GOLGA4: variants seen among roughly 807,000 people sequenced by gnomAD.
GOLGA4 encodes golgin A4, also known as golgin subfamily A member 4.
Under a neutral mutation model 265.9 loss-of-function variants are expected in GOLGA4, and 169 were observed. That is an observed-to-expected ratio of 0.64 (90% confidence interval 0.56 to 0.72). The LOEUF (loss-of-function observed/expected upper bound fraction) is 0.72. Ranked by LOEUF, GOLGA4 falls within the 30% of genes least tolerant of loss-of-function variation. GOLGA4 has a pLI of 0.00. For synonymous variants in GOLGA4, 923 were observed against 855.8 expected, an observed-to-expected ratio of 1.08 and a Z score of -1.37; for missense variants, 2,482 against 2,483.4, an observed-to-expected ratio of 1.00 and a Z score of 0.01.
chr3:37,327,958 A>G lies in GOLGA4; in HGVS notation c.5939+133A>G, dbSNP rs530498450. Reference sequence around the variant, plus strand: ...ACCCAAAATATTAAACATAAATCCAATATGTTAAATATGAGGAGAAATAAA... The same window carrying G: ...ACCCAAAATATTAAACATAAATCCAGTATGTTAAATATGAGGAGAAATAAA... On this transcript the variant is annotated intron_variant, in intron 14 of 23. Transcript: ENST00000361924. 6.3e-4 allele frequency: 421 copies of G among 669,080 alleles called. 2 individuals carry two copies. The highest frequency in any genetic ancestry group is 5.1e-3 in the South Asian group (205 of 40,246). 41.4% of individuals were successfully genotyped at this position (669,080 alleles called of 1,614,324 possible).
chr3:37,325,667 A>C lies in GOLGA4; in HGVS notation c.3781A>C (p.Lys1261Gln). The C allele has an allele frequency of 6.2e-7, 1 of 1,613,924 alleles. No homozygotes were observed. The highest frequency in any genetic ancestry group is 8.5e-7 in the Non-Finnish European group (1 of 1,179,782). The change falls in exon 14 of 24, where the codon AAG (lysine) becomes CAG (glutamine). Residue 1261 changes from lysine (K) to glutamine (Q), a missense_variant. This residue lies in a region of GOLGA4 where 1,536 missense variants were observed against 1,483.7 expected (regional missense o/e 1.04). Transcript: ENST00000361924. ...TTGTCAGCACCGTACAACTAAAGTT[A>C]AGGAGGCACTGTTAATTAAAACTTG... ...SHCQHRTTKVKEALLIKTCTV... is the reference protein window; with the variant it reads ...SHCQHRTTKVQEALLIKTCTV...
intron 6 of GOLGA4, among the ~76,000 whole-genome samples, chr3:37,295,423 C>T (rs773497539): frequency 1.3e-4 from 20 of 152,170 alleles, no homozygotes; most frequent in Middle Eastern, 3.4e-3. Flanking sequence ...CTCACTATGT[C>T]GCCCAGGCTG....
intron 10 of GOLGA4, among the ~76,000 whole-genome samples, chr3:37,311,478 C>T (rs2096922997): frequency 6.6e-6 from 1 of 152,136 alleles, no homozygotes; most frequent in African/African-American, 2.4e-5. Context: ...GAGCTCGATC[C>T]ATTTCAGCAT....
At position 37,329,036 on chromosome 3, in the gene GOLGA4, T is replaced by G. The variant is rs760824310; in HGVS notation, c.6135T>G (p.Ile2045Met). Residue 2045 changes from isoleucine (I) to methionine (M), a missense_variant, in exon 16 of 24, where the codon ATT (isoleucine) becomes ATG (methionine). By Grantham distance (10) the Ile-to-Met change is conservative (BLOSUM62 1). Around this residue, in one of 3 missense-constraint regions of GOLGA4, gnomAD observed 942 missense variants for 983.1 expected, o/e 0.96. Coordinates refer to ENST00000361924, the MANE Select transcript of GOLGA4 (RefSeq NM_002078.5). Reference sequence around the variant, plus strand: ...AGACAAATCAGTTACTTAAAAAAATTGCTGAGAAAGATGATGATCTAAAAC... The same window carrying G: ...AGACAAATCAGTTACTTAAAAAAATGGCTGAGAAAGATGATGATCTAAAAC... Reference protein sequence around the residue: ...QEETNQLLKKIAEKDDDLKRT... With the variant: ...QEETNQLLKKMAEKDDDLKRT... 1 of 1,611,502 alleles carries G rather than the reference T, an allele frequency of 6.2e-7. No homozygotes were observed. The highest frequency in any genetic ancestry group is 8.5e-7 in the Non-Finnish European group (1 of 1,178,642).
intron 17 of GOLGA4, 128 bp from the exon 18 acceptor site, chr3:37,337,013 CAA>C (rs1016888986): frequency 3.1e-6 from 2 of 654,478 alleles, no homozygotes; most frequent in African/African-American, 3.7e-5. Context: ...TGCCTTACCT[CAA>C]GTCTGACCAC....
At chr3:37,288,116 T>A (rs1233114163) in intron 4 of GOLGA4, among the ~76,000 whole-genome samples, 1 of 150,810 alleles carries the variant, frequency 6.6e-6, no homozygotes, top group Non-Finnish European at 1.5e-5. Context: ...TTTTTTTTTT[T>A]TTTTTTGAGA....
intron 12 of GOLGA4, 143 bp downstream of exon 12, chr3:37,319,337 C>T: frequency 1.8e-6 from 1 of 562,250 alleles, no homozygotes; most frequent in Non-Finnish European, 3.1e-6. Flanking sequence ...AGAGAGTAGG[C>T]AAGCTGTCAG....
intron 15 of GOLGA4, 52 bp downstream of exon 15, chr3:37,328,589 T>TTTAAGC: frequency 1.3e-6 from 2 of 1,510,476 alleles, no homozygotes; most frequent in Non-Finnish European, 1.8e-6. Flanking sequence ...GAGGCTATAA[T>TTTAAGC]TTAAGCTTAT....
At chr3:37,348,122 C>G (rs1037571541) in intron 21 of GOLGA4, among the ~76,000 whole-genome samples, 2 of 151,986 alleles carry the variant, frequency 1.3e-5, no homozygotes, top group Non-Finnish European at 2.9e-5. Flanking sequence ...GTGGGAGTTG[C>G]TGAGTCATAG....
At chr3:37,316,079 T>C (rs533886958) in intron 11 of GOLGA4, among the ~76,000 whole-genome samples, 15 of 152,310 alleles carry the variant, frequency 9.8e-5, no homozygotes, top group Non-Finnish European at 1.9e-4. Context: ...TTTGGAAAGA[T>C]CTCTTAGAAA....
Position 37,312,229 on chromosome 3 carries a change from T to G in GOLGA4, c.1235-3191T>G, listed in dbSNP as rs913050839. On this transcript the variant is annotated intron_variant, in intron 10 of 23. Coordinates refer to ENST00000361924, the MANE Select transcript of GOLGA4 (RefSeq NM_002078.5). ...TAAAAGACATTGTCATAACCTTTTT[T>G]CATTCCTCCAGCGTTTAAACCTTCA... Among the ~76,000 whole-genome samples, 13 of 152,352 alleles carry G rather than the reference T, an allele frequency of 8.5e-5. No individual in the cohort carries two copies. In the East Asian group the frequency reaches 2.5e-3, roughly 29 times the overall value.
In GOLGA4 at chr3:37,327,359, A is replaced by G; in HGVS notation, c.5473A>G (p.Ile1825Val). 1 of 1,613,880 alleles carries G rather than the reference A, an allele frequency of 6.2e-7. No individual in the cohort carries two copies. Among genetic ancestry groups the G allele is most frequent in the Non-Finnish European group, 8.5e-7 (1 of 1,179,806 alleles). Residue 1825 changes from isoleucine (I) to valine (V), a missense_variant, in exon 14 of 24, where the codon ATA becomes GTA. Physicochemically the swap from Ile to Val is conservative, Grantham distance 29. Coordinates refer to ENST00000361924, the MANE Select transcript of GOLGA4 (RefSeq NM_002078.5). ...HVEKEGGKNNIQAKQNLENVF... is the reference protein window; with the variant it reads ...HVEKEGGKNNVQAKQNLENVF... ...GGAAAAAGAAGGAGGTAAAAATAAC[A>G]TACAGGCAAAGCAAAACTTGGAAAA...
In GOLGA4 at chr3:37,302,179, A is replaced by G. The variant is rs760761622; in HGVS notation, c.1087-6A>G. Reference sequence around the variant, plus strand: ...CAAATGTTTTAGAGTCTTCACTTCTATTCAGGGAATGGTAATCGCAGAGAC... The same window carrying G: ...CAAATGTTTTAGAGTCTTCACTTCTGTTCAGGGAATGGTAATCGCAGAGAC... On this transcript the variant is annotated splice_region_variant and splice_polypyrimidine_tract_variant and intron_variant, in intron 9 of 23. Coordinates refer to ENST00000361924, the MANE Select transcript of GOLGA4 (RefSeq NM_002078.5). 4 of 1,611,958 alleles carry G rather than the reference A, an allele frequency of 2.5e-6. No individual in the cohort carries two copies. Among genetic ancestry groups the G allele is most frequent in the South Asian group, 1.1e-5 (1 of 91,008 alleles).
chr3:37,323,464 G>T lies in GOLGA4; in HGVS notation c.1702-124G>T, dbSNP rs995599827. The T allele has an allele frequency of 2.4e-4, 148 of 625,194 alleles. No homozygotes were observed. The highest frequency in any genetic ancestry group is 3.5e-4 in the Non-Finnish European group (126 of 356,238). 38.7% of individuals were successfully genotyped at this position (625,194 alleles called of 1,614,324 possible). A position where few individuals can be genotyped will look rare whatever the true frequency, so the allele number is the denominator to read the frequency against. Reference sequence around the variant, plus strand: ...TTTAGTAATTGAGCATAGATTCTTTGTCTTTTCTAGTGTTTGGTATGATAA... The same window carrying T: ...TTTAGTAATTGAGCATAGATTCTTTTTCTTTTCTAGTGTTTGGTATGATAA... On this transcript the variant is annotated intron_variant, in intron 13 of 23. Transcript: ENST00000361924.
intron 2 of GOLGA4, chr3:37,275,645 C>G: frequency 6.2e-7 from 1 of 1,605,378 alleles, no homozygotes. Flanking sequence ...CAGCTTCGCC[C>G]ACTTCCCCTT....
intron 2 of GOLGA4, among the ~76,000 whole-genome samples, chr3:37,274,051 G>GT (rs2096806363): frequency 6.9e-6 from 1 of 144,824 alleles, no homozygotes; most frequent in Admixed American, 7.2e-5. Context: ...CATGAGCTGA[G>GT]TTTGTGCCAC....
chr3:37,285,610 C>T (rs183557701), intron 3 of GOLGA4, among the ~76,000 whole-genome samples: 1 of 152,338 alleles, frequency 6.6e-6, no homozygotes, highest in Non-Finnish European at 1.5e-5. Context: ...CCACACCCTT[C>T]CCAAGTCTCA....
intron 2 of GOLGA4, among the ~76,000 whole-genome samples, chr3:37,268,002 G>GTAA: frequency 6.6e-6 from 1 of 152,164 alleles, no homozygotes; most frequent in South Asian, 2.1e-4. Context: ...CTGGCTACAA[G>GTAA]TAATATCTCA....
chr3:37,302,448 C>G, intron 10 of GOLGA4, 116 bp downstream of exon 10: 3 of 874,284 alleles, frequency 3.4e-6, no homozygotes, highest in Non-Finnish European at 5.2e-6. Flanking sequence ...TATAGAGGCT[C>G]CTAATAAGAC....
Sources: gnomAD v4.1 joint callset for allele counts (sites outside exome capture counted in the v4.1 genomes callset) on GRCh38, gnomAD v4.1.1 for gene constraint, gnomAD v4.1.1 regional missense constraint, MANE v1.5 for transcripts, NCBI Gene and HGNC (gene_info 2026-07-23, HGNC 2026-07-21) for gene names.